GPC5: variants seen among roughly 807,000 people sequenced by gnomAD.
GPC5 encodes glypican-5.
A neutral mutation model predicts 53.9 loss-of-function variants in GPC5; 47 were observed. The observed-to-expected ratio is 0.87, with a 90% CI of 0.69 to 1.11. The LOEUF (loss-of-function observed/expected upper bound fraction) is 1.11. Ranked by LOEUF, GPC5 falls within the 50% of genes most tolerant of loss-of-function variation. GPC5 has a pLI of 0.00. For synonymous variants in GPC5, 286 were observed against 263.3 expected, an observed-to-expected ratio of 1.09 and a Z score of -0.84; for missense variants, 748 against 713.1, an observed-to-expected ratio of 1.05 and a Z score of -0.56.
chr13:91,503,860 A>G (rs1264386166), intron 2 of GPC5, among the ~76,000 whole-genome samples: 3 of 150,058 alleles, frequency 2.0e-5, no homozygotes, highest in Non-Finnish European at 4.4e-5. Context: ...CTTCCCAAGT[A>G]CCATACTATT....
chr13:92,572,939 C>T (rs911783369), intron 7 of GPC5, among the ~76,000 whole-genome samples: 1 of 152,148 alleles, frequency 6.6e-6, no homozygotes, highest in African/African-American at 2.4e-5. Context: ...ATATTGACTT[C>T]TTTGAGATGG....
intron 5 of GPC5, among the ~76,000 whole-genome samples, chr13:91,777,356 G>C (rs2037727018): frequency 6.6e-6 from 1 of 152,134 alleles, no homozygotes; most frequent in Admixed American, 6.6e-5. Context: ...TCTGTTCTTA[G>C]TTATGCTGTT....
At chr13:91,433,322 G>T (rs1879643556) in intron 1 of GPC5, among the ~76,000 whole-genome samples, 1 of 151,276 alleles carries the variant, frequency 6.6e-6, no homozygotes, top group Non-Finnish European at 1.5e-5. Flanking sequence ...TTAACATTAG[G>T]TATATCTCCA....
chr13:92,588,930 A>T (rs1198907977), intron 7 of GPC5, among the ~76,000 whole-genome samples: 1 of 152,158 alleles, frequency 6.6e-6, no homozygotes, highest in African/African-American at 2.4e-5. Flanking sequence ...ATCCTAACCA[A>T]GGTGTATAGA....
At chr13:92,265,154 C>T (rs2042794787) in intron 7 of GPC5, among the ~76,000 whole-genome samples, 1 of 152,000 alleles carries the variant, frequency 6.6e-6, no homozygotes, top group South Asian at 2.1e-4. Flanking sequence ...TCTTAGCAAA[C>T]AGATGCTTGG....
chr13:92,009,407 GCTAGT>G (rs760418922), intron 6 of GPC5, among the ~76,000 whole-genome samples: 1 of 151,832 alleles, frequency 6.6e-6, no homozygotes, highest in African/African-American at 2.4e-5. Context: ...TTGTTCTGAG[GCTAGT>G]CTAGTTGTAA....
At chr13:92,577,205 G>T (rs1170174133) in intron 7 of GPC5, among the ~76,000 whole-genome samples, 1 of 152,034 alleles carries the variant, frequency 6.6e-6, no homozygotes, top group Admixed American at 6.6e-5. Flanking sequence ...TGGAGACTTT[G>T]GTTCCCTTTA....
chr13:92,540,767 T>C (rs1476504821), intron 7 of GPC5, among the ~76,000 whole-genome samples: 3 of 151,928 alleles, frequency 2.0e-5, no homozygotes, highest in African/African-American at 7.2e-5. Context: ...TATCATCTAA[T>C]GACAACATGT....
At chr13:91,545,737 C>T (rs2030247451) in intron 2 of GPC5, among the ~76,000 whole-genome samples, 1 of 151,978 alleles carries the variant, frequency 6.6e-6, no homozygotes, top group African/African-American at 2.4e-5. Flanking sequence ...GCCACCATTC[C>T]ACTGTAATCC....
chr13:92,106,291 A>G (rs1178180049), intron 6 of GPC5, among the ~76,000 whole-genome samples: 7 of 152,108 alleles, frequency 4.6e-5, no homozygotes, highest in Admixed American at 2.0e-4. Context: ...ATAAAAAGGT[A>G]AAGCACTTAA....
intron 2 of GPC5, among the ~76,000 whole-genome samples, chr13:91,591,287 A>G (rs1456738675): frequency 6.6e-6 from 1 of 152,118 alleles, no homozygotes; most frequent in African/African-American, 2.4e-5. Flanking sequence ...TATCTCTTCC[A>G]ATTCTGCTGA....
At chr13:92,803,112 T>G (rs1296017271) in intron 7 of GPC5, among the ~76,000 whole-genome samples, 1 of 151,974 alleles carries the variant, frequency 6.6e-6, no homozygotes, top group Non-Finnish European at 1.5e-5. Context: ...TTGTTTAACT[T>G]GGCTAGAATT....
At chr13:91,586,012 C>G (rs896800984) in intron 2 of GPC5, among the ~76,000 whole-genome samples, 1 of 103,590 alleles carries the variant, frequency 9.7e-6, no homozygotes, top group East Asian at 3.7e-4. Context: ...CCCCACCCCC[C>G]ACCCCACTGG....
intron 5 of GPC5, among the ~76,000 whole-genome samples, chr13:91,889,194 T>G (rs1474042315): frequency 6.6e-6 from 1 of 152,162 alleles, no homozygotes; most frequent in East Asian, 1.9e-4. Flanking sequence ...ATAGTAAGAA[T>G]GGAGCTGTAA....
intron 7 of GPC5, among the ~76,000 whole-genome samples, chr13:92,554,429 T>C (rs1251919958): frequency 6.6e-6 from 1 of 151,714 alleles, no homozygotes; most frequent in Non-Finnish European, 1.5e-5. Context: ...ACATCATACT[T>C]TTAATTTTGA....
intron 7 of GPC5, among the ~76,000 whole-genome samples, chr13:92,211,719 T>C (rs1175878748): frequency 6.6e-6 from 1 of 152,190 alleles, no homozygotes; most frequent in Non-Finnish European, 1.5e-5. Context: ...GGCACAAATT[T>C]GAGAACTCCT....
chr13:91,764,515 C>T (rs889805408), intron 5 of GPC5, among the ~76,000 whole-genome samples: 4 of 152,090 alleles, frequency 2.6e-5, no homozygotes, highest in African/African-American at 9.7e-5. Flanking sequence ...AATTTTTTTG[C>T]TCACTATTAG....
intron 7 of GPC5, among the ~76,000 whole-genome samples, chr13:92,307,581 A>G (rs1269217876): frequency 6.6e-6 from 1 of 152,266 alleles, no homozygotes; most frequent in Non-Finnish European, 1.5e-5. Context: ...GGCTATTCTT[A>G]TCTGAAATTA....
chr13:91,644,568 C>G (rs551531977), intron 2 of GPC5, among the ~76,000 whole-genome samples: 1 of 152,122 alleles, frequency 6.6e-6, no homozygotes, highest in Non-Finnish European at 1.5e-5. Context: ...TTCTTGCATT[C>G]GCATCCTTTA....
Sources: gnomAD v4.1 joint callset for allele counts (sites outside exome capture counted in the v4.1 genomes callset) on GRCh38, gnomAD v4.1.1 for gene constraint, MANE v1.5 for transcripts, NCBI Gene and HGNC (gene_info 2026-07-23, HGNC 2026-07-21) for gene names.